Variants in SHCBP1L observed in about 807,000 individuals in gnomAD.
SHCBP1L encodes the protein SHC binding and spindle associated 1 like.
In SHCBP1L, 67 loss-of-function variants were observed where a neutral mutation model predicts 62.5. That is an observed-to-expected ratio of 1.07 (90% CI 0.88 to 1.31). The LOEUF (loss-of-function observed/expected upper bound fraction) is 1.31. Among genes scored for constraint, SHCBP1L ranks in the 40% most tolerant of loss-of-function variants. The pLI is 0.00. For synonymous variants in SHCBP1L, 284 were observed against 289.4 expected, an observed-to-expected ratio of 0.98 and a Z score of 0.19; for missense variants, 823 against 809.8, an observed-to-expected ratio of 1.02 and a Z score of -0.20.
intron 2 of SHCBP1L, among the ~76,000 whole-genome samples, chr1:182,945,303 C>T (rs1377149355): frequency 6.6e-6 from 1 of 152,104 alleles, no homozygotes; most frequent in Non-Finnish European, 1.5e-5. Flanking sequence ...AATTTAGCCC[C>T]AAATTCCTTA....
chr1:182,930,547 G>GTA (rs1650934881), intron 5 of SHCBP1L, among the ~76,000 whole-genome samples: 1 of 92,820 alleles, frequency 1.1e-5, no homozygotes, highest in African/African-American at 4.0e-5. Flanking sequence ...GCTTTAGTGT[G>GTA]TGTGTATATA....
intron 2 of SHCBP1L, among the ~76,000 whole-genome samples, chr1:182,941,253 CA>C (rs368017905): frequency 3.0e-3 from 174 of 57,478 alleles, no homozygotes; most frequent in South Asian, 0.011. Context: ...ACTCAAACAC[CA>C]AAAAAAAAAA....
Position 182,940,439 on chromosome 1 carries a change from A to G in SHCBP1L, c.660T>C (p.Val220=). 6.2e-7 allele frequency: 1 copy of G among 1,614,028 alleles called. No individual in the cohort carries two copies. The highest frequency in any genetic ancestry group is 8.5e-7 in the Non-Finnish European group (1 of 1,179,970). ...GTTCCAGTTCCTCCAAAATCTCATC[A>G]ACCAAATCTCTTGGAATATTTGCAA... The part of the protein sequence containing the change: ...SNIANIPRDL[V]DEILEELEHS... Residue 220 remains valine (V), a synonymous_variant, in exon 3 of 10, where the codon GTT becomes GTC. Transcript: ENST00000367547.
intron 8 of SHCBP1L, among the ~76,000 whole-genome samples, chr1:182,903,789 T>C (rs1649916862): frequency 6.6e-6 from 1 of 152,150 alleles, no homozygotes; most frequent in Non-Finnish European, 1.5e-5. Context: ...CCACTGTGCT[T>C]GGCCTCAAGT....
chr1:182,901,256 G>A (rs1649824459), intron 9 of SHCBP1L, among the ~76,000 whole-genome samples: 1 of 152,108 alleles, frequency 6.6e-6, no homozygotes. Context: ...TCAGTAGTTC[G>A]AGACCAGCCT....
intron 6 of SHCBP1L, among the ~76,000 whole-genome samples, chr1:182,910,135 A>G (rs751152871): frequency 6.6e-6 from 1 of 152,220 alleles, no homozygotes; most frequent in Non-Finnish European, 1.5e-5. Context: ...ATGGTGAAGT[A>G]ATGGCTCTTC....
intron 6 of SHCBP1L, among the ~76,000 whole-genome samples, chr1:182,915,221 C>CAAGTA (rs1195290348): frequency 2.3e-5 from 2 of 87,416 alleles, no homozygotes; most frequent in Non-Finnish European, 4.8e-5. Flanking sequence ...TTCAAAGACA[C>CAAGTA]AAGTAGGTTA....
chr1:182,904,537 G>A (rs1649949096), intron 7 of SHCBP1L, 107 bp from the exon 8 acceptor site: 2 of 143,668 alleles, frequency 1.4e-5, no homozygotes, highest in South Asian at 1.3e-4. Context: ...CTGTGTGCGT[G>A]TGTGTGTGTG....
chr1:182,926,286 T>C (rs542728470), intron 6 of SHCBP1L, among the ~76,000 whole-genome samples: 2 of 152,186 alleles, frequency 1.3e-5, no homozygotes, highest in Non-Finnish European at 2.9e-5. Context: ...ACAGAATCAG[T>C]AGTACAGATG....
chr1:182,926,319 C>A (rs1650745842), intron 6 of SHCBP1L, among the ~76,000 whole-genome samples: 1 of 152,168 alleles, frequency 6.6e-6, no homozygotes. Flanking sequence ...TTAAATTCTT[C>A]TTTGTACTTC....
intron 6 of SHCBP1L, among the ~76,000 whole-genome samples, chr1:182,923,075 A>G (rs941371509): frequency 3.9e-5 from 6 of 152,218 alleles, no homozygotes; most frequent in Non-Finnish European, 8.8e-5. Flanking sequence ...AGAAATACAA[A>G]AAAACCCTCA....
chr1:182,952,014 A>C (rs1044912291), intron 1 of SHCBP1L: 3 of 243,410 alleles, frequency 1.2e-5, no homozygotes, highest in African/African-American at 4.7e-5. Context: ...AAAATTAGCC[A>C]GGCGTGGTGG....
chr1:182,936,130 G>GTTTTTTTTTTTTTTTTT (rs71127329), intron 5 of SHCBP1L, among the ~76,000 whole-genome samples: 56 of 63,950 alleles, frequency 8.8e-4, no homozygotes, highest in Non-Finnish European at 1.4e-3. Flanking sequence ...TTTGTTTTTT[G>GTTTTTTTTTTTTTTTTT]TTTTTTTTTT....
In SHCBP1L at chr1:182,924,891, CAAAG is replaced by C. The variant is rs1233269934; in HGVS notation, c.1182+4752_1182+4755del. Reference sequence around the variant, plus strand: ...AGGAAAGAAGGAAGGAAGGGAAAGACAAAGAGAGAGAGAGAAAGAAAGGAAAGGA... The same window carrying C: ...AGGAAAGAAGGAAGGAAGGGAAAGACAGAGAGAGAGAAAGAAAGGAAAGGA... On this transcript the variant is annotated intron_variant, in intron 6 of 9. Transcript: ENST00000367547. 1.8e-3 allele frequency among the ~76,000 whole-genome samples: 144 copies of C among 78,640 alleles called. 1 individual carries two copies. The highest frequency in any genetic ancestry group is 7.2e-3 in the African/African-American group (128 of 17,694). 51.6% of individuals were successfully genotyped at this position (78,640 alleles called of 152,430 possible).
In SHCBP1L at chr1:182,903,098, A is replaced by C. The variant is rs1571333862; in HGVS notation, c.1651T>G (p.Cys551Gly). Residue 551 changes from cysteine to glycine, a missense_variant, in exon 9 of 10, where the codon TGT (cysteine) becomes GGT (glycine). By Grantham distance (159) the Cys-to-Gly change is radical. Coordinates refer to ENST00000367547, the MANE Select transcript of SHCBP1L (RefSeq NM_030933.4). The stretch of plus-strand genomic sequence containing the variant: ...CTGTTACTGGTTCTGAGGTTATTAC[A>C]GTGATGAATTTCATTTCTTTCCAAA... The part of the protein sequence containing the change: ...AILERNEIHH[C>G]NNLRTSNSSK... 2 of 1,601,402 alleles carry C rather than the reference A, an allele frequency of 1.2e-6. No individual in the cohort carries two copies. The highest frequency in any genetic ancestry group is 1.3e-5 in the African/African-American group (1 of 74,566).
At chr1:182,915,153 C>T (rs1218249141) in intron 6 of SHCBP1L, among the ~76,000 whole-genome samples, 2 of 95,686 alleles carry the variant, frequency 2.1e-5, no homozygotes, top group Non-Finnish European at 3.7e-5. Context: ...CAGAGGCAGA[C>T]TCTGTCTCAA....
intron 1 of SHCBP1L, chr1:182,951,888 C>T: frequency 2.8e-6 from 1 of 357,672 alleles, no homozygotes. Flanking sequence ...GGCACGGTGG[C>T]TCATGCCTGT....
chr1:182,914,908 G>A (rs897526610), intron 6 of SHCBP1L, among the ~76,000 whole-genome samples: 1 of 151,998 alleles, frequency 6.6e-6, no homozygotes, highest in Non-Finnish European at 1.5e-5. Context: ...GGTGGCTCAT[G>A]CCTGTAATCC....
chr1:182,925,111 AAAG>A (rs1232299744), intron 6 of SHCBP1L, among the ~76,000 whole-genome samples: 6 of 151,440 alleles, frequency 4.0e-5, no homozygotes, highest in South Asian at 2.1e-4. Context: ...GTGAAGAAAG[AAAG>A]AAGGAGGGGG....
Sources: gnomAD v4.1 joint callset for allele counts (sites outside exome capture counted in the v4.1 genomes callset) on GRCh38, gnomAD v4.1.1 for gene constraint, MANE v1.5 for transcripts, NCBI Gene and HGNC (gene_info 2026-07-23, HGNC 2026-07-21) for gene names.